Variants in REC114 observed in about 807,000 individuals in gnomAD.
REC114 encodes REC114 meiotic recombination protein.
Under a neutral mutation model 31.3 loss-of-function variants are expected in REC114, and 27 were observed. The observed-to-expected ratio is 0.86, with a 90% CI of 0.64 to 1.19. REC114 has a LOEUF of 1.19. REC114 is among the 50% of genes most tolerant of loss of function. The probability of loss-of-function intolerance (pLI) is 0.00; values close to 1 mark genes in which losing one functional copy is unlikely to be tolerated. For missense variants in REC114, 344 were observed against 326.9 expected, an observed-to-expected ratio of 1.05 and a Z score of -0.40; for synonymous variants, 134 against 127.7, an observed-to-expected ratio of 1.05 and a Z score of -0.33.
At chr15:73,546,921 T>C (rs1343219145) in intron 3 of REC114, among the ~76,000 whole-genome samples, 1 of 151,556 alleles carries the variant, frequency 6.6e-6, no homozygotes, top group East Asian at 1.9e-4. Context: ...TAAAAATGGA[T>C]TAAATACTTA....
intron 1 of REC114, among the ~76,000 whole-genome samples, chr15:73,450,392 C>G (rs1295866890): frequency 6.6e-6 from 1 of 151,436 alleles, no homozygotes; most frequent in African/African-American, 2.4e-5. Flanking sequence ...GAGACAAGAG[C>G]GTTACATAAT....
chr15:73,528,356 G>A (rs987426539), intron 2 of REC114, among the ~76,000 whole-genome samples: 5 of 152,104 alleles, frequency 3.3e-5, no homozygotes, highest in African/African-American at 1.2e-4. Flanking sequence ...AAACCATTAT[G>A]TACCTACTAT....
intron 2 of REC114, among the ~76,000 whole-genome samples, chr15:73,527,420 C>T (rs1241539196): frequency 6.6e-6 from 1 of 152,174 alleles, no homozygotes; most frequent in South Asian, 2.1e-4. Context: ...CCTACCTGAC[C>T]TCCCATCTCT....
intron 2 of REC114, among the ~76,000 whole-genome samples, chr15:73,502,445 T>G (rs372726615): frequency 6.6e-6 from 1 of 152,142 alleles, no homozygotes; most frequent in Non-Finnish European, 1.5e-5. Flanking sequence ...AGTAAAATAA[T>G]TTTTAACACA....
intron 2 of REC114, among the ~76,000 whole-genome samples, chr15:73,515,989 CTT>C (rs200952058): frequency 9.1e-5 from 13 of 143,046 alleles, no homozygotes; most frequent in Admixed American, 7.0e-5. Flanking sequence ...CTAGCTTTTT[CTT>C]TTTTTTTTTT....
At chr15:73,544,173 C>T (rs1046326385) in intron 3 of REC114, among the ~76,000 whole-genome samples, 1 of 151,982 alleles carries the variant, frequency 6.6e-6, no homozygotes, top group Non-Finnish European at 1.5e-5. Flanking sequence ...TATTTAATAC[C>T]TTTATCAGGA....
intron 1 of REC114, among the ~76,000 whole-genome samples, chr15:73,464,156 ATTTCTTTCTCCTAGTT>A (rs1032698592): frequency 1.7e-4 from 26 of 151,178 alleles, no homozygotes; most frequent in Admixed American, 1.6e-3. Flanking sequence ...GTTACACATG[ATTTCTTTCTCCTAGTT>A]TTGCTCTATT....
At chr15:73,545,155 G>A (rs1894291897) in intron 3 of REC114, among the ~76,000 whole-genome samples, 1 of 152,202 alleles carries the variant, frequency 6.6e-6, no homozygotes, top group African/African-American at 2.4e-5. Context: ...CCTTGAGTCT[G>A]TATTAGTTGT....
At chr15:73,453,495 A>G (rs1010911580) in intron 1 of REC114, among the ~76,000 whole-genome samples, 14 of 152,200 alleles carry the variant, frequency 9.2e-5, no homozygotes, top group African/African-American at 3.4e-4. Context: ...ATGTGGAGAA[A>G]TAGGAACGCT....
chr15:73,489,562 CTTA>C (rs1303647620), intron 2 of REC114, among the ~76,000 whole-genome samples: 2 of 151,910 alleles, frequency 1.3e-5, no homozygotes, highest in East Asian at 1.9e-4. Flanking sequence ...GCCCTCATGA[CTTA>C]TTATTTCTTA....
intron 2 of REC114, among the ~76,000 whole-genome samples, chr15:73,496,928 AT>A (rs200017479): frequency 0.072 from 9,610 of 133,568 alleles, 416 homozygotes; most frequent in African/African-American, 0.15. Flanking sequence ...CTCAGTCTTT[AT>A]TTTTTTTTTT....
At chr15:73,467,232 T>C (rs1893074335) in intron 1 of REC114, among the ~76,000 whole-genome samples, 1 of 152,240 alleles carries the variant, frequency 6.6e-6, no homozygotes, top group African/African-American at 2.4e-5. Context: ...AATGTTTTTT[T>C]CAGGAAGGAG....
At chr15:73,539,277 A>C (rs1894206063) in intron 2 of REC114, among the ~76,000 whole-genome samples, 1 of 137,832 alleles carries the variant, frequency 7.3e-6, no homozygotes. Context: ...AGCATTTCAG[A>C]ACTGATTTTT....
chr15:73,537,065 TTC>T, intron 2 of REC114, among the ~76,000 whole-genome samples: 1 of 152,216 alleles, frequency 6.6e-6, no homozygotes, highest in Non-Finnish European at 1.5e-5. Context: ...TTGAAGCACC[TTC>T]TAGTGTTAAG....
At chr15:73,488,245 G>T (rs1223853568) in intron 2 of REC114, among the ~76,000 whole-genome samples, 1 of 152,094 alleles carries the variant, frequency 6.6e-6, no homozygotes, top group Non-Finnish European at 1.5e-5. Context: ...ATACTTTTGG[G>T]GTTATTTTCC....
intron 3 of REC114, among the ~76,000 whole-genome samples, chr15:73,546,812 C>G (rs1242969732): frequency 1.8e-5 from 2 of 111,128 alleles, no homozygotes; most frequent in Non-Finnish European, 3.7e-5. Context: ...AAAACTCTGT[C>G]TCAGGAAAAA....
At chr15:73,453,231 C>A (rs1222469644) in intron 1 of REC114, among the ~76,000 whole-genome samples, 1 of 152,156 alleles carries the variant, frequency 6.6e-6, no homozygotes, top group Non-Finnish European at 1.5e-5. Flanking sequence ...TGCAATCTAT[C>A]CAGCTGACAG....
chr15:73,531,949 A>G (rs999750658), intron 2 of REC114, among the ~76,000 whole-genome samples: 5 of 147,982 alleles, frequency 3.4e-5, no homozygotes, highest in African/African-American at 1.2e-4. Flanking sequence ...CTTTTGTCTG[A>G]TGGTAAATTA....
chr15:73,543,422 C>T (rs535569301), intron 3 of REC114, among the ~76,000 whole-genome samples: 3 of 152,134 alleles, frequency 2.0e-5, no homozygotes, highest in African/African-American at 4.8e-5. Context: ...AACCTCCTCC[C>T]GTGTTCAAGC....
Sources: allele counts gnomAD v4.1 joint callset (sites outside exome capture counted in the v4.1 genomes callset), GRCh38; gene constraint gnomAD v4.1.1; transcripts MANE v1.5; gene names NCBI Gene and HGNC (gene_info 2026-07-23, HGNC 2026-07-21).